The following PCDHGA4 variants were observed in gnomAD, a reference collection of about 807,000 sequenced individuals.
PCDHGA4 encodes the protein protocadherin gamma-A4.
Under a neutral mutation model 54.6 loss-of-function variants are expected in PCDHGA4, and 38 were observed. That is an observed-to-expected ratio of 0.70 (90% CI 0.54 to 0.91). PCDHGA4 has a LOEUF of 0.91. Ranked by LOEUF, PCDHGA4 falls within the 40% of genes least tolerant of loss-of-function variation. The pLI is 0.00. For missense variants in PCDHGA4, 1,298 were observed against 1,220.9 expected, an observed-to-expected ratio of 1.06 and a Z score of -0.94; for synonymous variants, 511 against 512.9, an observed-to-expected ratio of 1.00 and a Z score of 0.05.
chr5:141,400,690 A>G (rs928893484), intron 1 of PCDHGA4: 6 of 790,238 alleles, frequency 7.6e-6, no homozygotes, highest in Non-Finnish European at 8.1e-6. Flanking sequence ...GTGAGTTTTT[A>G]TGTCGCATAA....
At chr5:141,386,808 A>C (rs1477071186) in intron 1 of PCDHGA4, among the ~76,000 whole-genome samples, 1 of 152,258 alleles carries the variant, frequency 6.6e-6, no homozygotes, top group Non-Finnish European at 1.5e-5. Flanking sequence ...TATTAGATGC[A>C]TAAAATTGTT....
intron 1 of PCDHGA4, chr5:141,414,464 A>G (rs1331771342): frequency 1.2e-6 from 2 of 1,613,904 alleles, no homozygotes; most frequent in African/African-American, 1.3e-5. Context: ...ACAGCCACAG[A>G]TGGGGGAAGT....
At chr5:141,502,880 T>TTTTTTTTTTG (rs2099816747) in intron 2 of PCDHGA4, among the ~76,000 whole-genome samples, 1 of 151,000 alleles carries the variant, frequency 6.6e-6, no homozygotes, top group African/African-American at 2.4e-5. Context: ...TTTTTTTTTT[T>TTTTTTTTTTG]GACAGGGAGT....
intron 1 of PCDHGA4, chr5:141,400,680 G>A (rs1452030965): frequency 1.4e-5 from 12 of 883,960 alleles, no homozygotes; most frequent in Admixed American, 5.5e-5. Context: ...GCAGTAAATT[G>A]TGAGTTTTTA....
At chr5:141,386,950 A>C (rs538175836) in intron 1 of PCDHGA4, among the ~76,000 whole-genome samples, 7 of 152,364 alleles carry the variant, frequency 4.6e-5, no homozygotes, top group Non-Finnish European at 8.8e-5. Context: ...GCAGTGCTTC[A>C]GTGCAGCAGA....
chr5:141,393,787 G>A (rs1267376494), intron 1 of PCDHGA4: 3 of 1,613,930 alleles, frequency 1.9e-6, no homozygotes, highest in Non-Finnish European at 2.5e-6. Flanking sequence ...GAAGATGTGG[G>A]GGCACTTCTG....
At chr5:141,383,933 C>T (rs963043498) in intron 1 of PCDHGA4, 3 of 1,613,844 alleles carry the variant, frequency 1.9e-6, no homozygotes, top group East Asian at 2.2e-5. Context: ...GATAATGCTC[C>T]AGAAGTGACT....
At chr5:141,496,639 C>T (rs752903356) in intron 2 of PCDHGA4, among the ~76,000 whole-genome samples, 1 of 152,222 alleles carries the variant, frequency 6.6e-6, no homozygotes, top group Non-Finnish European at 1.5e-5. Context: ...TTGGGCTGCC[C>T]TTGCCCTTCC....
chr5:141,406,294 G>C (rs1399208737), intron 1 of PCDHGA4, among the ~76,000 whole-genome samples: 1 of 151,910 alleles, frequency 6.6e-6, no homozygotes, highest in East Asian at 1.9e-4. Flanking sequence ...CACTGGGTGA[G>C]GTGTGAACCA....
chr5:141,426,817 C>G (rs942714141), intron 1 of PCDHGA4: 4 of 456,594 alleles, frequency 8.8e-6, no homozygotes, highest in Non-Finnish European at 1.8e-5. Flanking sequence ...GAACATTTCT[C>G]TCTGATGATG....
Position 141,490,148 on chromosome 5 carries a change from A to T in PCDHGA4, c.2515-4659A>T. On this transcript the variant is annotated intron_variant, in intron 1 of 3. Transcript: ENST00000571252. This position sits in a 1 kb window ranked among gnomAD's most constrained non-coding sequence, Gnocchi z 5.4. The stretch of plus-strand genomic sequence containing the variant: ...CTAGACCCTAGCAGTGGGGCAATCC[A>T]TGTGTTGGGTCCCATAGACTTTGAG... The T allele has an allele frequency of 6.2e-7, 1 of 1,614,232 alleles. No homozygotes were observed. The highest frequency in any genetic ancestry group is 1.3e-5 in the African/African-American group (1 of 75,068).
chr5:141,372,091 C>A, intron 1 of PCDHGA4: 2 of 1,613,774 alleles, frequency 1.2e-6, no homozygotes, highest in Non-Finnish European at 1.7e-6. Flanking sequence ...CTGTACCCAG[C>A]TCTGGGGCCC....
intron 1 of PCDHGA4, chr5:141,403,329 T>C (rs1325114096): frequency 1.2e-6 from 2 of 1,613,990 alleles, no homozygotes; most frequent in Admixed American, 1.7e-5. Context: ...GTAACTGATA[T>C]TAACGACAGC....
chr5:141,511,202 C>T lies in PCDHGA4; in HGVS notation c.*29C>T, dbSNP rs201024828. 2.0e-3 allele frequency: 3,296 copies of T among 1,612,132 alleles called. 7 individuals carry two copies. Among genetic ancestry groups the T allele is most frequent in the Middle Eastern group, 0.013 (77 of 6,006 alleles). On this transcript the variant is annotated 3_prime_UTR_variant, in exon 4 of 4. Coordinates refer to ENST00000571252, the MANE Select transcript of PCDHGA4 (RefSeq NM_018917.4). ...GGAGGCCAGGCCAAGAGCCACAGGG[C>T]GGCCTCTCCCCAACCAGCCCAGCTT...
Position 141,489,527 on chromosome 5 carries a change from G to A in PCDHGA4, c.2515-5280G>A. On this transcript the variant is annotated intron_variant, in intron 1 of 3. Coordinates refer to ENST00000571252, the MANE Select transcript of PCDHGA4 (RefSeq NM_018917.4). The surrounding 1 kb of genome is among the most constrained non-coding windows in gnomAD (Gnocchi z 4.5). The stretch of plus-strand genomic sequence containing the variant: ...CAAAAGATTGACCGAGAAAGCCTAT[G>A]TGGAGCCAGCACCAGCTGCCTGCTG... The A allele has an allele frequency of 1.9e-6, 3 of 1,614,152 alleles. No individual in the cohort carries two copies. Among genetic ancestry groups the A allele is most frequent in the East Asian group, 2.2e-5 (1 of 44,874 alleles).
At chr5:141,495,558 A>G (rs2099762084) in intron 2 of PCDHGA4, among the ~76,000 whole-genome samples, 1 of 151,662 alleles carries the variant, frequency 6.6e-6, no homozygotes, top group Admixed American at 6.6e-5. Flanking sequence ...TCGCTTTGCA[A>G]TCTCTGCCTC....
chr5:141,362,346 TG>T (rs759838965), intron 1 of PCDHGA4: 3 of 1,614,088 alleles, frequency 1.9e-6, no homozygotes, highest in Non-Finnish European at 2.5e-6. Context: ...AGCCTGGACC[TG>T]GGGTTCTCCC....
At chr5:141,399,763 G>A (rs753865606) in intron 1 of PCDHGA4, 8 of 1,613,378 alleles carry the variant, frequency 5.0e-6, no homozygotes, top group Admixed American at 1.7e-5. Context: ...GAGCCTGCGC[G>A]TGTTGGTGGG....
At chr5:141,461,051 A>G (rs1238514064) in intron 1 of PCDHGA4, among the ~76,000 whole-genome samples, 1 of 151,734 alleles carries the variant, frequency 6.6e-6, no homozygotes, top group East Asian at 1.9e-4. Flanking sequence ...ATGGGGACTT[A>G]GGTTGGTTTC....
Sources: allele counts gnomAD v4.1 joint callset (sites outside exome capture counted in the v4.1 genomes callset), GRCh38; gene constraint gnomAD v4.1.1; non-coding constraint Gnocchi (gnomAD v3.1); transcripts MANE v1.5; gene names NCBI Gene and HGNC (gene_info 2026-07-23, HGNC 2026-07-21).